The following EPHB1 variants were observed in gnomAD, a reference collection of about 807,000 sequenced individuals.
EPHB1 encodes the protein ephrin type-B receptor 1.
Under a neutral mutation model 94.4 loss-of-function variants are expected in EPHB1, and 30 were observed. That is an observed-to-expected ratio of 0.32 (90% confidence interval 0.24 to 0.43). The LOEUF (loss-of-function observed/expected upper bound fraction) is 0.43. Ranked by LOEUF, EPHB1 falls within the 20% of genes least tolerant of loss-of-function variation. The pLI is 1.00. For missense variants in EPHB1, 1,055 were observed against 1,308.3 expected (o/e 0.81, Z 2.99); for synonymous variants, 522 against 489.1 (o/e 1.07, Z -0.89).
intron 3 of EPHB1, among the ~76,000 whole-genome samples, chr3:135,098,734 G>C (rs144609998): frequency 6.6e-6 from 1 of 151,986 alleles, no homozygotes; most frequent in Non-Finnish European, 1.5e-5. Flanking sequence ...CACTTTGACC[G>C]AGCATGTTGG....
chr3:135,188,026 C>T (rs1942371736), intron 10 of EPHB1, among the ~76,000 whole-genome samples: 1 of 151,882 alleles, frequency 6.6e-6, no homozygotes, highest in South Asian at 2.1e-4. Flanking sequence ...TGGAGAAACC[C>T]TGTCTCTACT....
Position 135,239,230 on chromosome 3 carries a change from A to T in EPHB1, c.2347-1918A>T, listed in dbSNP as rs532698177. ...GGGGAGGTCCAGCCTGGTTGCCTTT[A>T]TTCCTCCCAGGCTCCAGATAGGAAA... On this transcript the variant is annotated intron_variant, in intron 12 of 15. Transcript: ENST00000398015. Among the ~76,000 whole-genome samples the T allele has an allele frequency of 2.6e-5, 4 of 151,796 alleles. No homozygotes were observed. The East Asian group carries it at 7.7e-4, about 29-fold the overall frequency.
chr3:134,951,514 G>A lies in EPHB1; in HGVS notation c.267G>A (p.Met89Ile), dbSNP rs1397872743. 1.2e-6 allele frequency: 2 copies of A among 1,613,796 alleles called. No individual in the cohort carries two copies. The highest frequency in any genetic ancestry group is 2.2e-5 in the East Asian group (1 of 44,848). ...GGGCCCATCGCATCTACACAGAGAT[G>A]CGCTTCACTGTGAGAGACTGCAGCA... ...RRGAHRIYTE[M>I]RFTVRDCSSL... is the part of the protein sequence containing the mutation. Residue 89 changes from methionine (M) to isoleucine (I), a missense_variant, in exon 3 of 16, where the codon ATG (methionine) becomes ATA (isoleucine). Physicochemically the swap from Met to Ile is conservative, Grantham distance 10 (BLOSUM62 1). Transcript: ENST00000398015. This position sits in a 1 kb window ranked among gnomAD's most constrained non-coding sequence, Gnocchi z 4.5.
intron 3 of EPHB1, among the ~76,000 whole-genome samples, chr3:135,037,695 A>G (rs1936689738): frequency 6.6e-6 from 1 of 152,228 alleles, no homozygotes; most frequent in Non-Finnish European, 1.5e-5. Context: ...TGTATCTCAG[A>G]TTCACTTTGG....
intron 3 of EPHB1, among the ~76,000 whole-genome samples, chr3:135,074,475 T>A (rs564131680): frequency 1.3e-5 from 2 of 152,382 alleles, no homozygotes; most frequent in Non-Finnish European, 2.9e-5. Flanking sequence ...TACTGCTTGA[T>A]ATGTCCTTAG....
chr3:134,912,987 A>G (rs965696377), intron 1 of EPHB1, among the ~76,000 whole-genome samples: 3 of 152,210 alleles, frequency 2.0e-5, no homozygotes, highest in Non-Finnish European at 4.4e-5. Flanking sequence ...GAAGGAAAAT[A>G]AGGCAAAGGA....
chr3:135,167,391 T>C (rs1234776495), intron 9 of EPHB1, among the ~76,000 whole-genome samples: 1 of 152,204 alleles, frequency 6.6e-6, no homozygotes, highest in Non-Finnish European at 1.5e-5. Flanking sequence ...CTGGGGAATT[T>C]GTTAACCAAA....
At chr3:135,071,695 C>G (rs1306244872) in intron 3 of EPHB1, among the ~76,000 whole-genome samples, 1 of 152,204 alleles carries the variant, frequency 6.6e-6, no homozygotes, top group Non-Finnish European at 1.5e-5. Flanking sequence ...TAAATGTCAT[C>G]TGTACACTAA....
At chr3:135,048,221 A>G (rs1448955064) in intron 3 of EPHB1, among the ~76,000 whole-genome samples, 1 of 54,690 alleles carries the variant, frequency 1.8e-5, no homozygotes, top group Non-Finnish European at 3.2e-5. Context: ...TAAAAAAAAT[A>G]CTCTTTTTTT....
chr3:134,842,185 A>T (rs1436015082), intron 1 of EPHB1, among the ~76,000 whole-genome samples: 1 of 152,202 alleles, frequency 6.6e-6, no homozygotes, highest in Non-Finnish European at 1.5e-5. Context: ...GGACACATGG[A>T]GAAGTTGCTG....
chr3:135,139,298 C>A (rs1010270663), intron 5 of EPHB1, among the ~76,000 whole-genome samples: 2 of 152,188 alleles, frequency 1.3e-5, no homozygotes, highest in Non-Finnish European at 2.9e-5. Context: ...ATGCTACAAG[C>A]CCTGATCCAC....
rs914392596 is a variant in EPHB1, at chr3:135,100,803, C to G, written c.806-5645C>G. On this transcript the variant is annotated intron_variant, in intron 3 of 15. Coordinates refer to ENST00000398015, the MANE Select transcript of EPHB1 (RefSeq NM_004441.5). ...CCTTCTGGATACCAGCCAGAGGTGA[C>G]ATGCACCTATCCCTTGGCACTTGAA... Among the ~76,000 whole-genome samples the G allele has an allele frequency of 2.0e-5, 3 of 152,244 alleles. No homozygotes were observed. In the East Asian group the frequency reaches 5.8e-4, roughly 29 times the overall value.
intron 3 of EPHB1, among the ~76,000 whole-genome samples, chr3:135,001,184 G>A (rs578148644): frequency 1.1e-4 from 17 of 152,256 alleles, no homozygotes; most frequent in South Asian, 4.1e-4. Flanking sequence ...TGTGAAGCAT[G>A]AACAGCCAGG....
chr3:134,920,492 C>T (rs1022010119), intron 1 of EPHB1, among the ~76,000 whole-genome samples: 7 of 152,116 alleles, frequency 4.6e-5, no homozygotes, highest in African/African-American at 1.7e-4. Flanking sequence ...TGTGGACTTG[C>T]CTTATCAAAT....
intron 3 of EPHB1, among the ~76,000 whole-genome samples, chr3:135,038,949 G>A (rs962806375): frequency 1.3e-5 from 2 of 152,080 alleles, no homozygotes; most frequent in African/African-American, 4.8e-5. Flanking sequence ...GTTTTGTCAC[G>A]GCGCTGATTG....
intron 1 of EPHB1, among the ~76,000 whole-genome samples, chr3:134,817,945 C>T (rs903957637): frequency 1.3e-5 from 2 of 152,228 alleles, no homozygotes; most frequent in Non-Finnish European, 2.9e-5. Flanking sequence ...GGTTCACAGA[C>T]ACCTCTTGAG....
At chr3:134,833,916 T>G (rs1408450864) in intron 1 of EPHB1, among the ~76,000 whole-genome samples, 3 of 152,164 alleles carry the variant, frequency 2.0e-5, no homozygotes, top group African/African-American at 7.2e-5. Flanking sequence ...TAAGCAGAGA[T>G]AGTTACGGAG....
chr3:134,957,420 T>G (rs1374496837), intron 3 of EPHB1, among the ~76,000 whole-genome samples: 1 of 151,296 alleles, frequency 6.6e-6, no homozygotes, highest in Non-Finnish European at 1.5e-5. Flanking sequence ...GAAGAAGGAG[T>G]CTGGGAGAGG....
At chr3:134,830,994 T>G (rs1307914476) in intron 1 of EPHB1, among the ~76,000 whole-genome samples, 2 of 152,200 alleles carry the variant, frequency 1.3e-5, no homozygotes, top group Non-Finnish European at 2.9e-5. Context: ...TCTCCATTCT[T>G]GAAATGGACA....
Sources: gnomAD v4.1 joint callset for allele counts (sites outside exome capture counted in the v4.1 genomes callset) on GRCh38, gnomAD v4.1.1 for gene constraint, Gnocchi (gnomAD v3.1) non-coding constraint, MANE v1.5 for transcripts, NCBI Gene and HGNC (gene_info 2026-07-23, HGNC 2026-07-21) for gene names.